DUOX2: variants seen among roughly 807,000 people sequenced by gnomAD.
DUOX2 encodes the protein NADH/NADPH thyroid oxidase p138-tox.
Under a neutral mutation model 183.3 loss-of-function variants are expected in DUOX2, and 185 were observed. The observed-to-expected ratio is 1.01, with a 90% CI of 0.90 to 1.14. The LOEUF (loss-of-function observed/expected upper bound fraction) is 1.14, where lower values mean the gene tolerates loss of function less well. DUOX2 is among the 50% of genes most tolerant of loss of function. DUOX2 has a pLI of 0.00. For synonymous variants in DUOX2, 788 were observed against 812.4 expected (o/e 0.97, Z 0.51); for missense variants, 1,999 against 2,022.9 (o/e 0.99, Z 0.23).
intron 3 of DUOX2, 24 bp downstream of exon 3, chr15:45,112,963 C>T (rs760870298): frequency 6.2e-7 from 1 of 1,612,046 alleles, no homozygotes; most frequent in South Asian, 1.1e-5. Context: ...ACGGCCCCAG[C>T]ACGCCCGGGC....
At chr15:45,102,933 G>A (rs1894119153) in intron 20 of DUOX2, among the ~76,000 whole-genome samples, 2 of 152,228 alleles carry the variant, frequency 1.3e-5, no homozygotes, top group Non-Finnish European at 1.5e-5. Flanking sequence ...AGTGAGCCGA[G>A]ATCGTGGCAC....
rs1235883034 is a variant in DUOX2 at position 45,106,204 on chromosome 15, A to G, written c.2069T>C (p.Leu690Pro). 1.2e-6 allele frequency: 2 copies of G among 1,614,190 alleles called. No individual in the cohort carries two copies. The highest frequency in any genetic ancestry group is 1.7e-5 in the Admixed American group (1 of 60,022). ...GGACAGGATGAGGTTGACCTGCTGCAGAGGCTGCAGCTGGACCACACGGAG... is the reference window on the plus strand; with the variant it reads ...GGACAGGATGAGGTTGACCTGCTGCGGAGGCTGCAGCTGGACCACACGGAG... ...TVLRVVQLQP[L>P]QQVNLILSNN... The change falls in exon 17 of 34, where the codon CTG (leucine) becomes CCG (proline). Residue 690 changes from leucine (L) to proline (P), a missense_variant. By Grantham distance (98) the Leu-to-Pro change is moderately conservative. Transcript: ENST00000389039.
At chr15:45,097,211 C>A in intron 29 of DUOX2, 27 bp downstream of exon 29, 1 of 1,613,930 alleles carries the variant, frequency 6.2e-7, no homozygotes, top group Non-Finnish European at 8.5e-7. Context: ...CTGTCGCTCC[C>A]GACCCAGGTC....
intron 21 of DUOX2, chr15:45,101,529 T>A: frequency 4.8e-6 from 3 of 626,062 alleles, no homozygotes; most frequent in Non-Finnish European, 8.5e-6. Context: ...TGCCTCTTCC[T>A]CTGGCCAGAT....
rs983287110 is a variant in DUOX2 at position 45,094,486 on chromosome 15, G to A, written c.4524+77C>T. ...GGTGGAGTTCTCTGCTCAGAACAGA[G>A]TGGCAGGGTGCTTCAGGGCCAGGAT... On this transcript the variant is annotated intron_variant, in intron 33 of 33. Coordinates refer to ENST00000389039, the MANE Select transcript of DUOX2 (RefSeq NM_001363711.2). 58 of 1,559,816 alleles carry A rather than the reference G, an allele frequency of 3.7e-5. No individual in the cohort carries two copies. In the African/African-American group the frequency reaches 7.0e-4, roughly 19 times the overall value.
chr15:45,099,299 C>T (rs1021587981), intron 26 of DUOX2, 84 bp downstream of exon 26: 11 of 1,291,622 alleles, frequency 8.5e-6, no homozygotes, highest in Middle Eastern at 4.5e-4. Context: ...CGTGAGCCAC[C>T]GCGCCCGGCC....
chr15:45,109,707 G>A, intron 10 of DUOX2, 81 bp from the exon 11 acceptor site: 3 of 1,468,666 alleles, frequency 2.0e-6, no homozygotes, highest in Non-Finnish European at 2.9e-6. Context: ...AGTACCCCAG[G>A]ACAAAGGGCC....
intron 12 of DUOX2, chr15:45,108,487 T>C: frequency 1.7e-6 from 1 of 597,932 alleles, no homozygotes; most frequent in Non-Finnish European, 2.9e-6. Context: ...ATTAGCAGCT[T>C]CAGGGGCACA....
chr15:45,106,722 TC>T (rs1364941515), intron 15 of DUOX2, 81 bp from the exon 16 acceptor site: 15 of 1,610,228 alleles, frequency 9.3e-6, no homozygotes, highest in Non-Finnish European at 1.2e-5. Flanking sequence ...GCCCCTCCCT[TC>T]CAGAGGTTCC....
In DUOX2 at chr15:45,092,831, A is replaced by G. The variant is rs529783682; in HGVS notation, c.*1319T>C. ...AGCATGGATGAATTACAAAGGCATT[A>G]TGGTGAGTAAAAGAGGCCAGTCTCA... is the stretch of plus-strand genomic sequence containing the variant. On this transcript the variant is annotated 3_prime_UTR_variant, in exon 34 of 34. Coordinates refer to ENST00000389039, the MANE Select transcript of DUOX2 (RefSeq NM_001363711.2). 2 of 152,370 alleles carry G rather than the reference A, an allele frequency of 1.3e-5. No homozygotes were observed. The highest frequency in any genetic ancestry group is 1.3e-4 in the Admixed American group (2 of 15,300). 9.4% of individuals were successfully genotyped at this position (152,370 alleles called of 1,614,324 possible).
intron 29 of DUOX2, among the ~76,000 whole-genome samples, chr15:45,096,349 G>T (rs1893900817): frequency 6.6e-6 from 1 of 152,070 alleles, no homozygotes; most frequent in Admixed American, 6.5e-5. Context: ...CAACCTGCTG[G>T]GTAAAGGGAC....
At chr15:45,100,724 C>T (rs1595521849) in intron 23 of DUOX2, 31 bp downstream of exon 23, 1 of 1,601,874 alleles carries the variant, frequency 6.2e-7, no homozygotes, top group Non-Finnish European at 8.6e-7. Flanking sequence ...CTCCATGTCT[C>T]TTTGGGCCCA....
chr15:45,105,460 G>A (rs1894186376), intron 18 of DUOX2, among the ~76,000 whole-genome samples, 183 bp downstream of exon 18: 1 of 152,234 alleles, frequency 6.6e-6, no homozygotes, highest in Non-Finnish European at 1.5e-5. Flanking sequence ...ACAGAACAGT[G>A]ATAATGTGAC....
intron 26 of DUOX2, 149 bp from the exon 27 acceptor site, chr15:45,098,207 G>T (rs937226217): frequency 4.2e-6 from 3 of 716,254 alleles, no homozygotes; most frequent in South Asian, 3.4e-5. Flanking sequence ...CAAGGAACTT[G>T]GCACCCAGGC....
At position 45,097,219 on chromosome 15, in the gene DUOX2, G is replaced by T; in HGVS notation, c.3847+19C>A. 8 of 1,614,100 alleles carry T rather than the reference G, an allele frequency of 5.0e-6. No individual in the cohort carries two copies. The highest frequency in any genetic ancestry group is 6.8e-6 in the Non-Finnish European group (8 of 1,180,024). On this transcript the variant is annotated intron_variant, in intron 29 of 33. Coordinates refer to ENST00000389039, the MANE Select transcript of DUOX2 (RefSeq NM_001363711.2). ...TTGGCCTCTGTCGCTCCCGACCCAG[G>T]TCAGGCTGGGCCTGATACCTGAGGG... is the stretch of plus-strand genomic sequence containing the variant.
At chr15:45,097,926 G>A (rs1893949801) in intron 27 of DUOX2, 83 bp downstream of exon 27, 3 of 1,538,728 alleles carry the variant, frequency 1.9e-6, no homozygotes, top group Non-Finnish European at 1.8e-6. Flanking sequence ...CCCATGGCCA[G>A]TATAGACAAG....
intron 32 of DUOX2, 107 bp downstream of exon 32, chr15:45,094,829 T>G: frequency 1.3e-5 from 20 of 1,594,596 alleles, no homozygotes; most frequent in Non-Finnish European, 1.6e-5. Context: ...GCTCTGTGCC[T>G]CCTGCCAGCT....
At chr15:45,111,726 T>G (rs1894419678) in intron 5 of DUOX2, 42 bp downstream of exon 5, 1 of 1,499,626 alleles carries the variant, frequency 6.7e-7, no homozygotes, top group Admixed American at 2.2e-5. Context: ...AGGCCCCACC[T>G]GGCTGGGGTG....
chr15:45,111,994 T>C (rs1431256538), intron 4 of DUOX2, 39 bp from the exon 5 acceptor site: 1 of 1,606,448 alleles, frequency 6.2e-7, no homozygotes, highest in South Asian at 1.1e-5. Flanking sequence ...AAACCGTCCG[T>C]ATTGCGCCCT....
Sources: gnomAD v4.1 joint callset for allele counts (sites outside exome capture counted in the v4.1 genomes callset) on GRCh38, gnomAD v4.1.1 for gene constraint, MANE v1.5 for transcripts, NCBI Gene and HGNC (gene_info 2026-07-23, HGNC 2026-07-21) for gene names.